Variants in RBKS observed in about 807,000 individuals in gnomAD.
The protein encoded by RBKS is ribokinase.
A neutral mutation model predicts 33.9 loss-of-function variants in RBKS; 33 were observed. That is an observed-to-expected ratio of 0.97 (90% CI 0.74 to 1.30). The LOEUF (loss-of-function observed/expected upper bound fraction) is 1.30, where lower values mean the gene tolerates loss of function less well. Among genes scored for constraint, RBKS ranks in the 50% most tolerant of loss-of-function variants. RBKS has a pLI of 0.00. For missense variants in RBKS, 361 were observed against 392.6 expected (o/e 0.92, Z 0.68); for synonymous variants, 125 against 143.0 (o/e 0.87, Z 0.90).
chr2:27,789,898 AGAGT>A (rs1411407199), intron 7 of RBKS, among the ~76,000 whole-genome samples: 1 of 130,684 alleles, frequency 7.7e-6, no homozygotes, highest in Non-Finnish European at 1.6e-5. Flanking sequence ...GTGTGTGTAT[AGAGT>A]GTGTGTGTGT....
intron 7 of RBKS, among the ~76,000 whole-genome samples, chr2:27,801,984 ATATATATATTTTTTTTTTT>A (rs1558536515): frequency 3.1e-4 from 29 of 95,044 alleles, no homozygotes; most frequent in African/African-American, 1.2e-3. Context: ...ATATATATAT[ATATATATATTTTTTTTTTT>A]TTTTTTTTTT....
chr2:27,837,035 G>A lies in RBKS; in HGVS notation c.515-4258C>T, dbSNP rs149900457. On this transcript the variant is annotated intron_variant, in intron 5 of 7. Coordinates refer to ENST00000302188, the MANE Select transcript of RBKS (RefSeq NM_022128.3). This position sits in a 1 kb window ranked among gnomAD's most constrained non-coding sequence, Gnocchi z 4.0. ...CACCTGTAATCCCAGCACTTTGGGC[G>A]GCCGAGGCAGGCAGATCACGAGGAT... Among the ~76,000 whole-genome samples, 976 of 152,062 alleles carry A rather than the reference G, an allele frequency of 6.4e-3. 8 individuals carry two copies. The highest frequency in any genetic ancestry group is 8.0e-3 in the Non-Finnish European group (545 of 68,034).
rs146312513 is a variant in RBKS, at chr2:27,823,091, C to A, written c.795+4476G>T. Among the ~76,000 whole-genome samples the A allele has an allele frequency of 1.3e-4, 20 of 152,288 alleles. No individual in the cohort carries two copies. The East Asian group carries it at 3.3e-3, about 25-fold the overall frequency. On this transcript the variant is annotated intron_variant, in intron 7 of 7. Transcript: ENST00000302188. The stretch of plus-strand genomic sequence containing the variant: ...TACTCAGTGCAATCCCAAATGCAAG[C>A]AGGCAAACCCCCTAACATTCAGGTT...
At chr2:27,862,972 G>T (rs2148221908) in intron 1 of RBKS, among the ~76,000 whole-genome samples, 1 of 151,094 alleles carries the variant, frequency 6.6e-6, no homozygotes, top group East Asian at 2.0e-4. Flanking sequence ...CGTCTCCTGG[G>T]ATGAAAGCAT....
Position 27,781,463 on chromosome 2 carries a change from A to C in RBKS, c.*152T>G. 1 of 614,806 alleles carries C rather than the reference A, an allele frequency of 1.6e-6. No homozygotes were observed. The allele number at this position is 614,806 out of a possible 1,614,324, so 38.1% of individuals were successfully genotyped here. On this transcript the variant is annotated 3_prime_UTR_variant, in exon 8 of 8. Coordinates refer to ENST00000302188, the MANE Select transcript of RBKS (RefSeq NM_022128.3). Reference sequence around the variant, plus strand: ...CATGGAAAGCAAAAGAATCATCGTTATAAATAAATTGAAGCTTGAGGATGA... The same window carrying C: ...CATGGAAAGCAAAAGAATCATCGTTCTAAATAAATTGAAGCTTGAGGATGA...
intron 5 of RBKS, among the ~76,000 whole-genome samples, chr2:27,838,075 C>T (rs1423190338): frequency 6.6e-6 from 1 of 152,136 alleles, no homozygotes; most frequent in East Asian, 1.9e-4. Context: ...TGGTGCCTGC[C>T]TGTAATCCCA....
At chr2:27,832,914 T>G in intron 5 of RBKS, 137 bp from the exon 6 acceptor site, 3 of 635,070 alleles carry the variant, frequency 4.7e-6, no homozygotes, top group Non-Finnish European at 8.5e-6. Context: ...GTTACGGATG[T>G]AGAGAAAAGT....
intron 6 of RBKS, among the ~76,000 whole-genome samples, chr2:27,827,994 A>C (rs1338419166): frequency 6.6e-6 from 1 of 152,202 alleles, no homozygotes; most frequent in African/African-American, 2.4e-5. Flanking sequence ...ATATTAGATG[A>C]TAGCATGGAA....
intron 7 of RBKS, among the ~76,000 whole-genome samples, chr2:27,820,280 T>A (rs1021933235): frequency 1.3e-5 from 2 of 152,172 alleles, no homozygotes; most frequent in Non-Finnish European, 2.9e-5. Flanking sequence ...CCCCAGCCTA[T>A]ACCCCTTCCC....
At chr2:27,884,563 T>A (rs77656092) in intron 1 of RBKS, among the ~76,000 whole-genome samples, 4 of 152,098 alleles carry the variant, frequency 2.6e-5, no homozygotes, top group Admixed American at 6.5e-5. Flanking sequence ...TTTTTTTTTT[T>A]AAGTAATCTA....
chr2:27,851,533 A>T lies in RBKS; in HGVS notation c.223-3436T>A, dbSNP rs530754003. Among the ~76,000 whole-genome samples, 517 of 150,398 alleles carry T rather than the reference A, an allele frequency of 3.4e-3. 5 individuals are homozygous for T. Among genetic ancestry groups the T allele is most frequent in the Non-Finnish European group, 3.8e-3 (257 of 67,476 alleles). ...AGTCATGTTCCATTCTTTTTTTTTTAAATTTTTTATTTTTTTATTTTTGAG... is the reference window on the plus strand; with the variant it reads ...AGTCATGTTCCATTCTTTTTTTTTTTAATTTTTTATTTTTTTATTTTTGAG... On this transcript the variant is annotated intron_variant, in intron 2 of 7. Transcript: ENST00000302188.
At chr2:27,804,005 G>A (rs189157835) in intron 7 of RBKS, among the ~76,000 whole-genome samples, 39 of 152,186 alleles carry the variant, frequency 2.6e-4, no homozygotes, top group African/African-American at 8.9e-4. Flanking sequence ...TCACACCACT[G>A]CACTTCAGCC....
intron 1 of RBKS, among the ~76,000 whole-genome samples, chr2:27,885,164 C>T (rs1664503203): frequency 6.6e-6 from 1 of 152,114 alleles, no homozygotes; most frequent in South Asian, 2.1e-4. Flanking sequence ...TCTGCGTTTT[C>T]ATAGAGGTCA....
At chr2:27,860,801 C>G (rs1392129662) in intron 1 of RBKS, among the ~76,000 whole-genome samples, 1 of 152,190 alleles carries the variant, frequency 6.6e-6, no homozygotes, top group Non-Finnish European at 1.5e-5. Context: ...CTACTCTTGT[C>G]TCTTTCTTCC....
intron 7 of RBKS, among the ~76,000 whole-genome samples, chr2:27,802,288 A>G (rs1369924923): frequency 2.6e-5 from 4 of 151,928 alleles, no homozygotes; most frequent in African/African-American, 7.2e-5. Flanking sequence ...GGGGATTACA[A>G]TTCAACATGA....
intron 1 of RBKS, chr2:27,861,406 A>G: frequency 2.2e-6 from 1 of 452,962 alleles, no homozygotes; most frequent in Non-Finnish European, 4.6e-6. Context: ...ACAACTCCAT[A>G]TTTTACCAGA....
chr2:27,871,996 G>T (rs1390613260), intron 1 of RBKS, among the ~76,000 whole-genome samples: 2 of 152,226 alleles, frequency 1.3e-5, no homozygotes, highest in African/African-American at 4.8e-5. Flanking sequence ...TCACGATAGG[G>T]TTCACGCTAC....
chr2:27,782,514 A>C, intron 7 of RBKS: 1 of 383,188 alleles, frequency 2.6e-6, no homozygotes, highest in Non-Finnish European at 5.8e-6. Flanking sequence ...TTTGAGGAGA[A>C]CTGGTTATGT....
intron 7 of RBKS, among the ~76,000 whole-genome samples, chr2:27,802,005 T>C (rs1230496216): frequency 8.5e-6 from 1 of 117,012 alleles, no homozygotes; most frequent in East Asian, 2.4e-4. Flanking sequence ...TTTTTTTTTT[T>C]TTTTTTTTTT....
Sources: gnomAD v4.1 joint callset for allele counts (sites outside exome capture counted in the v4.1 genomes callset) on GRCh38, gnomAD v4.1.1 for gene constraint, Gnocchi (gnomAD v3.1) non-coding constraint, MANE v1.5 for transcripts, NCBI Gene and HGNC (gene_info 2026-07-23, HGNC 2026-07-21) for gene names.